Variants in MELK observed in about 807,000 individuals in gnomAD.
MELK encodes maternal embryonic leucine zipper kinase, also known as pEg3 kinase.
In MELK, 81 loss-of-function variants were observed where a neutral mutation model predicts 85.0. The observed-to-expected ratio is 0.95, with a 90% CI of 0.80 to 1.15. MELK has a LOEUF of 1.15. MELK is among the 50% of genes most tolerant of loss of function. MELK has a pLI of 0.00. For synonymous variants in MELK, 252 were observed against 265.0 expected (o/e 0.95, Z 0.48); for missense variants, 754 against 777.5 (o/e 0.97, Z 0.36).
chr9:36,601,292 T>C (rs1384321625), intron 7 of MELK, among the ~76,000 whole-genome samples: 1 of 152,196 alleles, frequency 6.6e-6, no homozygotes, highest in African/African-American at 2.4e-5. Flanking sequence ...AGTTATTGTG[T>C]CTCTTTAGTC....
chr9:36,589,929 T>G (rs1228792556), intron 4 of MELK, among the ~76,000 whole-genome samples: 1 of 150,084 alleles, frequency 6.7e-6, no homozygotes, highest in Non-Finnish European at 1.5e-5. Context: ...AGTTTTTTTT[T>G]TTTTTTTTTT....
At position 36,589,516 on chromosome 9, in the gene MELK, C is replaced by T; in HGVS notation, c.145-20C>T. The T allele has an allele frequency of 6.4e-7, 1 of 1,570,338 alleles. No homozygotes were observed. Among genetic ancestry groups the T allele is most frequent in the Non-Finnish European group, 8.8e-7 (1 of 1,140,490 alleles). The stretch of plus-strand genomic sequence containing the variant: ...ACCTGAATAAGTTTATTGCTCATTC[C>T]ATATGATGTTTTGTCACAGAGTGAT... On this transcript the variant is annotated intron_variant, in intron 3 of 17. Transcript: ENST00000298048.
At chr9:36,667,014 A>G (rs1044445575) in intron 14 of MELK, among the ~76,000 whole-genome samples, 2 of 151,864 alleles carry the variant, frequency 1.3e-5, no homozygotes, top group African/African-American at 4.8e-5. Context: ...TTCTTTCCCA[A>G]TGAAAGGGTC....
intron 7 of MELK, among the ~76,000 whole-genome samples, chr9:36,606,084 A>G (rs1455813277): frequency 1.3e-5 from 2 of 151,946 alleles, no homozygotes; most frequent in Non-Finnish European, 2.9e-5. Flanking sequence ...CTTAGGACTC[A>G]TGGGACACAT....
intron 6 of MELK, among the ~76,000 whole-genome samples, chr9:36,598,376 G>C (rs1039338324): frequency 6.6e-6 from 1 of 152,134 alleles, no homozygotes; most frequent in Non-Finnish European, 1.5e-5. Context: ...GCCTGGGAGA[G>C]GATTGCCTCA....
intron 16 of MELK, 33 bp downstream of exon 16, chr9:36,671,199 G>A: frequency 6.6e-7 from 1 of 1,513,388 alleles, no homozygotes; most frequent in Non-Finnish European, 8.8e-7. Flanking sequence ...ATATGGAGCA[G>A]AAGCTGACTG....
chr9:36,635,064 A>G (rs773706876), intron 10 of MELK, among the ~76,000 whole-genome samples: 3 of 149,588 alleles, frequency 2.0e-5, no homozygotes, highest in African/African-American at 7.7e-5. Flanking sequence ...GCTACTTCCT[A>G]TTTAGTCACA....
In MELK at chr9:36,607,661, C is replaced by T; in HGVS notation, c.654C>T (p.Tyr218=). ...ATGATGATAATGTAATGGCTTTATACAAGAAGATTATGGTGAGTATTACAA... is the reference window on the plus strand; with the variant it reads ...ATGATGATAATGTAATGGCTTTATATAAGAAGATTATGGTGAGTATTACAA... ...PFDDDNVMAL[Y]KKIMRGKYDV... The change falls in exon 8 of 18, where the codon TAC becomes TAT. Residue 218 remains tyrosine, a synonymous_variant. Transcript: ENST00000298048. 1 of 1,598,472 alleles carries T rather than the reference C, an allele frequency of 6.3e-7. No homozygotes were observed. Among genetic ancestry groups the T allele is most frequent in the Non-Finnish European group, 8.6e-7 (1 of 1,165,876 alleles).
chr9:36,616,567 T>G (rs759536620), intron 8 of MELK, among the ~76,000 whole-genome samples: 84 of 151,884 alleles, frequency 5.5e-4, no homozygotes, highest in Non-Finnish European at 1.1e-3. Context: ...TTTTTGTAGT[T>G]TTAGCAGAGA....
At chr9:36,652,392 CT>C (rs1830799297) in intron 12 of MELK, among the ~76,000 whole-genome samples, 1 of 151,684 alleles carries the variant, frequency 6.6e-6, no homozygotes, top group African/African-American at 2.4e-5. Flanking sequence ...ACCTCCTCCC[CT>C]GACTCCTTTT....
chr9:36,621,311 A>C (rs905724928), intron 8 of MELK, among the ~76,000 whole-genome samples: 95 of 137,348 alleles, frequency 6.9e-4, no homozygotes, highest in Non-Finnish European at 1.0e-3. Context: ...AAAAAAAAAA[A>C]AAAAAACTTG....
intron 8 of MELK, among the ~76,000 whole-genome samples, chr9:36,608,585 C>CT (rs555426519): frequency 0.053 from 7,730 of 144,916 alleles, 475 homozygotes; most frequent in African/African-American, 0.14. Flanking sequence ...ATACAAACTT[C>CT]TTTTTTTTTT....
chr9:36,629,848 T>G (rs950454866), intron 8 of MELK, among the ~76,000 whole-genome samples: 6 of 147,566 alleles, frequency 4.1e-5, no homozygotes, highest in African/African-American at 7.5e-5. Context: ...AAATTGTTTT[T>G]TTTTTTTTTT....
At chr9:36,642,881 C>G in intron 10 of MELK, 116 bp from the exon 11 acceptor site, 2 of 691,446 alleles carry the variant, frequency 2.9e-6, no homozygotes, top group Non-Finnish European at 4.7e-6. Flanking sequence ...TTGACAGATT[C>G]ATGTTTTACA....
intron 4 of MELK, 69 bp from the exon 5 acceptor site, chr9:36,594,559 T>C (rs2135444614): frequency 6.5e-7 from 1 of 1,547,324 alleles, no homozygotes; most frequent in Non-Finnish European, 8.8e-7. Context: ...AGTGTACTTT[T>C]TTATTTTAAA....
chr9:36,655,117 G>A (rs138639490), intron 12 of MELK, among the ~76,000 whole-genome samples: 46 of 152,250 alleles, frequency 3.0e-4, no homozygotes, highest in African/African-American at 1.1e-3. Context: ...GCATTTTCAG[G>A]CCCCATGCTG....
At chr9:36,676,332 T>C (rs919021978) in intron 17 of MELK, among the ~76,000 whole-genome samples, 1 of 152,208 alleles carries the variant, frequency 6.6e-6, no homozygotes, top group African/African-American at 2.4e-5. Flanking sequence ...AACCCTTAAG[T>C]ATTTAGGGAA....
At chr9:36,605,017 G>A (rs984974997) in intron 7 of MELK, among the ~76,000 whole-genome samples, 2 of 151,218 alleles carry the variant, frequency 1.3e-5, no homozygotes, top group Non-Finnish European at 2.9e-5. Flanking sequence ...GGCCTCCTGA[G>A]TAGCTGGAAT....
At chr9:36,653,268 T>C (rs1830890333) in intron 12 of MELK, among the ~76,000 whole-genome samples, 1 of 152,170 alleles carries the variant, frequency 6.6e-6, no homozygotes, top group African/African-American at 2.4e-5. Flanking sequence ...TGCCTCAGCC[T>C]CCCTAGTAGC....
Sources: allele counts gnomAD v4.1 joint callset (sites outside exome capture counted in the v4.1 genomes callset), GRCh38; gene constraint gnomAD v4.1.1; transcripts MANE v1.5; gene names NCBI Gene and HGNC (gene_info 2026-07-23, HGNC 2026-07-21).